The following KIF26B variants were observed in gnomAD, a reference collection of about 807,000 sequenced individuals.
KIF26B encodes the protein kinesin-like protein KIF26B.
A neutral mutation model predicts 151.2 loss-of-function variants in KIF26B; 63 were observed. The ratio of observed to expected loss-of-function variants is 0.42; its 90% CI spans 0.34 to 0.51. KIF26B has a LOEUF of 0.51. Among genes scored for constraint, KIF26B ranks in the 20% least tolerant of loss-of-function variants. The pLI is 0.07. For synonymous variants in KIF26B, 1,357 were observed against 1,262.1 expected (o/e 1.08, Z -1.59); for missense variants, 2,813 against 2,913.6 (o/e 0.97, Z 0.79).
At chr1:245,466,122 T>C (rs1235247672) in intron 4 of KIF26B, among the ~76,000 whole-genome samples, 1 of 152,218 alleles carries the variant, frequency 6.6e-6, no homozygotes, top group Admixed American at 6.5e-5. Flanking sequence ...GGGATCCATA[T>C]ACCCCTTTTA....
chr1:245,695,624 G>A (rs905371253), intron 12 of KIF26B, among the ~76,000 whole-genome samples: 3 of 152,236 alleles, frequency 2.0e-5, no homozygotes, highest in African/African-American at 4.8e-5. Context: ...GAGAGGGATC[G>A]ATGTGGTGAG....
At chr1:245,199,714 C>T (rs1669264441) in intron 2 of KIF26B, among the ~76,000 whole-genome samples, 2 of 152,108 alleles carry the variant, frequency 1.3e-5, no homozygotes, top group South Asian at 4.2e-4. Context: ...AAACTCCTGG[C>T]CTTAAGAAAT....
chr1:245,256,043 C>T (rs1196426950), intron 2 of KIF26B, among the ~76,000 whole-genome samples: 3 of 152,100 alleles, frequency 2.0e-5, no homozygotes, highest in African/African-American at 4.8e-5. Context: ...TTGGTTTCTG[C>T]CTTTGGTGTT....
chr1:245,693,654 T>C (rs562878619), intron 12 of KIF26B, among the ~76,000 whole-genome samples: 9 of 152,286 alleles, frequency 5.9e-5, no homozygotes, highest in South Asian at 4.1e-4. Flanking sequence ...CTGTAGTGAA[T>C]TGAGCTCCCA....
intron 5 of KIF26B, among the ~76,000 whole-genome samples, chr1:245,591,123 T>G (rs556664913): frequency 6.6e-6 from 1 of 151,374 alleles, no homozygotes; most frequent in South Asian, 2.1e-4. Context: ...TATTATTTAT[T>G]GAGGACGTAC....
intron 3 of KIF26B, among the ~76,000 whole-genome samples, chr1:245,414,080 C>T (rs1338892497): frequency 6.6e-6 from 1 of 152,252 alleles, no homozygotes; most frequent in Non-Finnish European, 1.5e-5. Context: ...GCCCACCTGG[C>T]CTGGGGGCCA....
chr1:245,333,229 G>A (rs1572009018), intron 2 of KIF26B, among the ~76,000 whole-genome samples: 1 of 152,204 alleles, frequency 6.6e-6, no homozygotes, highest in African/African-American at 2.4e-5. Context: ...ACGAGATGTG[G>A]TCTCTACATA....
chr1:245,285,325 A>G (rs6428912), intron 2 of KIF26B, among the ~76,000 whole-genome samples: 89,578 of 151,366 alleles, frequency 0.59, 26,831 homozygotes, highest in East Asian at 0.69. Context: ...CTTTCTGCCC[A>G]TGCTCCGTTA....
chr1:245,471,086 G>C (rs955203661), intron 4 of KIF26B, among the ~76,000 whole-genome samples: 2 of 151,580 alleles, frequency 1.3e-5, no homozygotes, highest in African/African-American at 4.9e-5. Flanking sequence ...GATTACCAAA[G>C]TTGAGCCTAT....
At position 245,156,516 on chromosome 1, in the gene KIF26B, T is replaced by C. The variant is rs1298219111; in HGVS notation, c.298T>C (p.Leu100=). ...CATCGGCACTAGTTCGCCGGGCTCC[T>C]TGGGCGGCTCTCCGGGCTTCGGCAC... ...PGIGTSSPGS[L]GGSPGFGTGS... Residue 100 remains leucine (L), a synonymous_variant, in exon 2 of 15, where the codon TTG becomes CTG. Coordinates refer to ENST00000407071, the MANE Select transcript of KIF26B (RefSeq NM_018012.4). 2 of 1,532,098 alleles carry C rather than the reference T, an allele frequency of 1.3e-6. No individual in the cohort carries two copies. Among genetic ancestry groups the C allele is most frequent in the Non-Finnish European group, 1.7e-6 (2 of 1,144,112 alleles). 94.9% of individuals were successfully genotyped at this position (1,532,098 alleles called of 1,614,324 possible).
At chr1:245,198,787 C>A (rs539207130) in intron 2 of KIF26B, among the ~76,000 whole-genome samples, 1 of 150,762 alleles carries the variant, frequency 6.6e-6, no homozygotes, top group Non-Finnish European at 1.5e-5. Flanking sequence ...AGGGTGTGGG[C>A]AGACATTTAA....
chr1:245,665,739 GTCTT>G (rs2044205726), intron 10 of KIF26B, among the ~76,000 whole-genome samples: 1 of 151,480 alleles, frequency 6.6e-6, no homozygotes, highest in African/African-American at 2.4e-5. Context: ...TTGAGACTGA[GTCTT>G]TCTCCATCAC....
chr1:245,249,261 T>C (rs533239964), intron 2 of KIF26B, among the ~76,000 whole-genome samples: 2 of 152,110 alleles, frequency 1.3e-5, no homozygotes, highest in East Asian at 3.9e-4. Flanking sequence ...CATGCCTGGC[T>C]AATTTTTTGT....
In KIF26B at chr1:245,572,200, C is replaced by G. The variant is rs1210715761; in HGVS notation, c.1351-30377C>G. ...TGGCCGTAGGAATGGTTTGCCCTTGCTCAGGACTTATTTACCTAATGTCGT... is the reference window on the plus strand; with the variant it reads ...TGGCCGTAGGAATGGTTTGCCCTTGGTCAGGACTTATTTACCTAATGTCGT... On this transcript the variant is annotated intron_variant, in intron 5 of 14. Transcript: ENST00000407071. The surrounding 1 kb of genome is among the most constrained non-coding windows in gnomAD (Gnocchi z 4.2). Among the ~76,000 whole-genome samples the G allele has an allele frequency of 6.6e-6, 1 of 152,206 alleles. No individual in the cohort carries two copies. Among genetic ancestry groups the G allele is most frequent in the African/African-American group, 2.4e-5 (1 of 41,442 alleles).
At chr1:245,394,749 G>A (rs1426295282) in intron 3 of KIF26B, among the ~76,000 whole-genome samples, 2 of 133,898 alleles carry the variant, frequency 1.5e-5, no homozygotes, top group African/African-American at 6.0e-5. Flanking sequence ...AGAGTGCAAT[G>A]GCACGATCTC....
At position 245,261,503 on chromosome 1, in the gene KIF26B, C is replaced by CT. The variant is rs1558366101; in HGVS notation, c.465+104820_465+104821insT. Among the ~76,000 whole-genome samples, 9 of 110,534 alleles carry CT rather than the reference C, an allele frequency of 8.1e-5. 1 individual carries two copies. The highest frequency in any genetic ancestry group is 2.4e-4 in the African/African-American group (6 of 24,728). The allele number at this position is 110,534 out of a possible 152,430, so 72.5% of individuals were successfully genotyped here. On this transcript the variant is annotated intron_variant, in intron 2 of 14. Coordinates refer to ENST00000407071, the MANE Select transcript of KIF26B (RefSeq NM_018012.4). Reference sequence around the variant, plus strand: ...TCTCTCTCTCTCTCTCTCTCTCTCTCCCTCCCTCCCTCCCTCCCTCTCTCT... The same window carrying CT: ...TCTCTCTCTCTCTCTCTCTCTCTCTCTCCTCCCTCCCTCCCTCCCTCTCTCT...
chr1:245,566,959 A>G (rs1396076618), intron 5 of KIF26B, among the ~76,000 whole-genome samples: 1 of 152,104 alleles, frequency 6.6e-6, no homozygotes, highest in Non-Finnish European at 1.5e-5. Flanking sequence ...ATAAATAAAA[A>G]AATAAAATTC....
intron 5 of KIF26B, among the ~76,000 whole-genome samples, chr1:245,542,388 A>C (rs1212177103): frequency 6.6e-6 from 1 of 152,216 alleles, no homozygotes; most frequent in Non-Finnish European, 1.5e-5. Flanking sequence ...GCCTCCTCTG[A>C]GGGGAAGCAT....
At chr1:245,588,403 A>G (rs970892564) in intron 5 of KIF26B, among the ~76,000 whole-genome samples, 11 of 152,134 alleles carry the variant, frequency 7.2e-5, no homozygotes, top group Non-Finnish European at 1.2e-4. Flanking sequence ...AGGGGCGGTG[A>G]AGGGAATTAA....
Sources: gnomAD v4.1 joint callset for allele counts (sites outside exome capture counted in the v4.1 genomes callset) on GRCh38, gnomAD v4.1.1 for gene constraint, Gnocchi (gnomAD v3.1) non-coding constraint, MANE v1.5 for transcripts, NCBI Gene and HGNC (gene_info 2026-07-23, HGNC 2026-07-21) for gene names.